The following RRP12 variants were observed in gnomAD, a reference collection of about 807,000 sequenced individuals.
RRP12 encodes the protein ribosomal RNA processing 12 homolog.
Under a neutral mutation model 157.3 loss-of-function variants are expected in RRP12, and 78 were observed. The ratio of observed to expected loss-of-function variants is 0.50; its 90% CI spans 0.41 to 0.60. The LOEUF (loss-of-function observed/expected upper bound fraction) is 0.60, where lower values mean the gene tolerates loss of function less well. Among genes scored for constraint, RRP12 ranks in the 20% least tolerant of loss-of-function variants. The pLI is 0.00. For synonymous variants in RRP12, 726 were observed against 670.9 expected, an observed-to-expected ratio of 1.08 and a Z score of -1.27; for missense variants, 1,521 against 1,679.9, an observed-to-expected ratio of 0.91 and a Z score of 1.65.
Position 97,369,304 on chromosome 10 carries a change from C to T in RRP12, c.2955+121G>A, listed in dbSNP as rs180905589. 66 of 1,049,558 alleles carry T rather than the reference C, an allele frequency of 6.3e-5. No homozygotes were observed. In the African/African-American group the frequency reaches 8.9e-4, roughly 14 times the overall value. 65.0% of individuals were successfully genotyped at this position (1,049,558 alleles called of 1,614,324 possible). A position where few individuals can be genotyped will look rare whatever the true frequency, so the allele number is the denominator to read the frequency against. ...TCCCCTATGGTCCCTTTTAGGGCTC[C>T]TTAATGACCTCTGGCTACAAAAAAA... On this transcript the variant is annotated intron_variant, in intron 25 of 33. Transcript: ENST00000370992.
At chr10:97,377,852 A>G (rs1564758629) in intron 15 of RRP12, among the ~76,000 whole-genome samples, 1 of 151,796 alleles carries the variant, frequency 6.6e-6, no homozygotes, top group African/African-American at 2.4e-5. Flanking sequence ...CTCAAAAAAA[A>G]AAAAAAAAAG....
At chr10:97,360,511 C>A in intron 31 of RRP12, 35 bp downstream of exon 31, 2 of 1,522,928 alleles carry the variant, frequency 1.3e-6, no homozygotes, top group Non-Finnish European at 1.8e-6. Flanking sequence ...TGACAGGGAT[C>A]CATGTGTCCC....
rs1286457118 is a variant in RRP12 at position 97,398,211 on chromosome 10, C to T, written c.370-1910G>A. Among the ~76,000 whole-genome samples, 2 of 96,246 alleles carry T rather than the reference C, an allele frequency of 2.1e-5. 1 individual carries two copies. The highest frequency in any genetic ancestry group is 2.1e-4 in the Admixed American group (2 of 9,426). 63.1% of individuals were successfully genotyped at this position (96,246 alleles called of 152,430 possible). ...CTGGGACTACAGGCGCCCGCCACCG[C>T]GCCCGGCTAATTTTTTGTATTTTTA... On this transcript the variant is annotated intron_variant, in intron 2 of 33. Coordinates refer to ENST00000370992, the MANE Select transcript of RRP12 (RefSeq NM_015179.4).
At chr10:97,395,931 C>T (rs1844951258) in intron 3 of RRP12, among the ~76,000 whole-genome samples, 1 of 151,294 alleles carries the variant, frequency 6.6e-6, no homozygotes, top group African/African-American at 2.4e-5. Flanking sequence ...GAGGCCACCG[C>T]AAGATGACAA....
rs540474339 is a variant in RRP12, at chr10:97,384,123, C to T, written c.1208+1043G>A. Among the ~76,000 whole-genome samples, 243 of 152,256 alleles carry T rather than the reference C, an allele frequency of 1.6e-3. 2 individuals are homozygous for T. The highest frequency in any genetic ancestry group is 2.8e-3 in the Non-Finnish European group (189 of 67,990). ...CCTGAGCACCCCCAACCTCAGCAGCCAGGACGGAGGCCCTGAGCACCCCCA... is the reference window on the plus strand; with the variant it reads ...CCTGAGCACCCCCAACCTCAGCAGCTAGGACGGAGGCCCTGAGCACCCCCA... On this transcript the variant is annotated intron_variant, in intron 10 of 33. Coordinates refer to ENST00000370992, the MANE Select transcript of RRP12 (RefSeq NM_015179.4).
chr10:97,369,452 C>A lies in RRP12; in HGVS notation c.2928G>T (p.Ala976=). The change falls in exon 25 of 34, where the codon GCG becomes GCT. Residue 976 remains alanine (A), a synonymous_variant. Transcript: ENST00000370992. The part of the protein sequence containing the change: ...IKVAVTVMDV[A]HLAKHVQLVM... The stretch of plus-strand genomic sequence containing the variant: ...CCAGCTGCACATGTTTGGCCAGGTG[C>A]GCCACGTCCATGACAGTCACTGCCA... 6.2e-7 allele frequency: 1 copy of A among 1,612,314 alleles called. No homozygotes were observed. Among genetic ancestry groups the A allele is most frequent in the Non-Finnish European group, 8.5e-7 (1 of 1,179,302 alleles).
chr10:97,394,859 CA>C (rs1844911489), intron 3 of RRP12, among the ~76,000 whole-genome samples: 1 of 151,998 alleles, frequency 6.6e-6, no homozygotes, highest in Admixed American at 6.6e-5. Flanking sequence ...ATGTAATAAC[CA>C]GGCTGGGCAT....
chr10:97,396,453 G>T, intron 2 of RRP12, 152 bp from the exon 3 acceptor site: 1 of 629,638 alleles, frequency 1.6e-6, no homozygotes, highest in South Asian at 1.8e-5. Flanking sequence ...CATACCAGGG[G>T]GCCCAGCAAA....
rs904977205 is a variant in RRP12 at position 97,387,222 on chromosome 10, C to G, written c.1017+1030G>C. ...GTAAATAGTTGCTACACTCTGTTGTCTAAGGAATAATGACAAGGAAAAAAA... is the reference window on the plus strand; with the variant it reads ...GTAAATAGTTGCTACACTCTGTTGTGTAAGGAATAATGACAAGGAAAAAAA... On this transcript the variant is annotated intron_variant, in intron 8 of 33. Coordinates refer to ENST00000370992, the MANE Select transcript of RRP12 (RefSeq NM_015179.4). Among the ~76,000 whole-genome samples, 6 of 151,886 alleles carry G rather than the reference C, an allele frequency of 4.0e-5. No homozygotes were observed. In the East Asian group the frequency reaches 7.7e-4, roughly 20 times the overall value.
intron 9 of RRP12, 46 bp downstream of exon 9, chr10:97,385,849 C>T (rs1175188454): frequency 2.2e-6 from 3 of 1,394,830 alleles, no homozygotes; most frequent in Non-Finnish European, 3.0e-6. Context: ...CCTCCCAAGG[C>T]ACCACCCCCG....
rs767038988 is a variant in RRP12, at chr10:97,357,122, T to G, written c.3866A>C (p.Lys1289Thr). 5.7e-5 allele frequency: 92 copies of G among 1,613,208 alleles called. No homozygotes were observed. Among genetic ancestry groups the G allele is most frequent in the Non-Finnish European group, 7.5e-5 (89 of 1,179,408 alleles). ...GGGTCGACGATCCTTTCTGCGGTTT[T>G]TGTGTCCCACCTGGGAACCTCGCCG... Reference protein sequence around the residue: ...AARRGSQVGHKNRRKDRRP With the variant: ...AARRGSQVGHTNRRKDRRP Residue 1289 changes from lysine to threonine, a missense_variant, in exon 34 of 34, where the codon AAA becomes ACA. Physicochemically the swap from Lys to Thr is moderately conservative, Grantham distance 78. Transcript: ENST00000370992.
intron 13 of RRP12, 141 bp downstream of exon 13, chr10:97,380,658 T>A (rs113588055): frequency 9.3e-6 from 6 of 648,366 alleles, no homozygotes; most frequent in Non-Finnish European, 1.7e-5. Context: ...CAGGGGATAC[T>A]GCATGGGGCA....
chr10:97,391,726 C>T (rs568586130), intron 4 of RRP12, among the ~76,000 whole-genome samples: 72 of 152,276 alleles, frequency 4.7e-4, no homozygotes, highest in African/African-American at 1.7e-3. Flanking sequence ...TCGAGACCAT[C>T]CTGGCTAACA....
chr10:97,360,044 C>T (rs999689948), intron 31 of RRP12, among the ~76,000 whole-genome samples: 1 of 152,194 alleles, frequency 6.6e-6, no homozygotes, highest in Non-Finnish European at 1.5e-5. Flanking sequence ...AGAGGTGAAG[C>T]CACCTTGGCA....
chr10:97,378,570 C>T (rs1167534997), intron 15 of RRP12, among the ~76,000 whole-genome samples: 4 of 152,200 alleles, frequency 2.6e-5, no homozygotes, highest in East Asian at 1.9e-4. Flanking sequence ...TATATAAATA[C>T]ACCTGGCTGG....
intron 8 of RRP12, among the ~76,000 whole-genome samples, chr10:97,386,694 C>A (rs775890674): frequency 1.3e-5 from 2 of 152,022 alleles, no homozygotes; most frequent in African/African-American, 4.8e-5. Flanking sequence ...ATAAACACTA[C>A]AAGAGAATAT....
At chr10:97,370,829 C>T in intron 21 of RRP12, 33 bp from the exon 22 acceptor site, 1 of 1,611,124 alleles carries the variant, frequency 6.2e-7, no homozygotes, top group Non-Finnish European at 8.5e-7. Context: ...CAGGACCCCT[C>T]AATGCTACCT....
intron 25 of RRP12, among the ~76,000 whole-genome samples, chr10:97,367,725 G>A (rs1158173724): frequency 6.6e-6 from 1 of 152,148 alleles, no homozygotes; most frequent in East Asian, 1.9e-4. Flanking sequence ...CTAGGGGATA[G>A]GGTCCACGTC....
intron 30 of RRP12, among the ~76,000 whole-genome samples, chr10:97,363,084 G>A (rs913468465): frequency 1.2e-4 from 19 of 152,178 alleles, no homozygotes; most frequent in African/African-American, 4.1e-4. Context: ...AGAGTCTGCC[G>A]CTTCCCCACC....
Sources: gnomAD v4.1 joint callset for allele counts (sites outside exome capture counted in the v4.1 genomes callset) on GRCh38, gnomAD v4.1.1 for gene constraint, MANE v1.5 for transcripts, NCBI Gene and HGNC (gene_info 2026-07-23, HGNC 2026-07-21) for gene names.